The following ITGA3 variants were observed in gnomAD, a reference collection of about 807,000 sequenced individuals.
ITGA3 encodes the protein integrin subunit alpha 3, also known as integrin alpha-3.
In ITGA3, 70 loss-of-function variants were observed where a neutral mutation model predicts 131.1. That is an observed-to-expected ratio of 0.53 (90% CI 0.44 to 0.65). The LOEUF (loss-of-function observed/expected upper bound fraction) is 0.65, where lower values mean the gene tolerates loss of function less well. Ranked by LOEUF, ITGA3 falls within the 30% of genes least tolerant of loss-of-function variation. The probability of loss-of-function intolerance (pLI) is 0.00; values close to 1 mark genes in which losing one functional copy is unlikely to be tolerated. For missense variants in ITGA3, 1,098 were observed against 1,388.6 expected (o/e 0.79, Z 3.33); for synonymous variants, 537 against 571.6 (o/e 0.94, Z 0.86).
chr17:50,077,419 T>G lies in ITGA3; in HGVS notation c.2111T>G (p.Leu704Arg). Residue 704 changes from leucine (L) to arginine (R), a missense_variant, in exon 16 of 26, where the codon CTG (leucine) becomes CGG (arginine). This residue lies in a region of ITGA3 where 699 missense variants were observed against 829.2 expected (regional missense o/e 0.84). Coordinates refer to ENST00000320031, the MANE Select transcript of ITGA3 (RefSeq NM_002204.4). Reference sequence around the variant, plus strand: ...GCTAATGAGACCATCTTTTGCGAGCTGGGGAACCCCTTCAAACGGAACCAG... The same window carrying G: ...GCTAATGAGACCATCTTTTGCGAGCGGGGGAACCCCTTCAAACGGAACCAG... ...CQANETIFCE[L>R]GNPFKRNQRM... 1 of 1,614,058 alleles carries G rather than the reference T, an allele frequency of 6.2e-7. No homozygotes were observed. The highest frequency in any genetic ancestry group is 8.5e-7 in the Non-Finnish European group (1 of 1,179,938).
At chr17:50,060,802 T>G (rs778540144) in intron 1 of ITGA3, among the ~76,000 whole-genome samples, 3 of 152,170 alleles carry the variant, frequency 2.0e-5, no homozygotes, top group Non-Finnish European at 2.9e-5. Flanking sequence ...AGGGGATGGG[T>G]TCAGTACTGC....
chr17:50,064,724 T>C lies in ITGA3; in HGVS notation c.414+117T>C. ...TCCACGGCGCGTGTGTGCTGGGGCC[T>C]GCACACATGTCCCTTCCTGTGGCTG... On this transcript the variant is annotated intron_variant, in intron 3 of 25. Coordinates refer to ENST00000320031, the MANE Select transcript of ITGA3 (RefSeq NM_002204.4). This position sits in a 1 kb window ranked among gnomAD's most constrained non-coding sequence, Gnocchi z 4.4. The C allele has an allele frequency of 1.4e-6, 1 of 731,674 alleles. No individual in the cohort carries two copies. The highest frequency in any genetic ancestry group is 2.3e-6 in the Non-Finnish European group (1 of 441,606). 45.3% of individuals were successfully genotyped at this position (731,674 alleles called of 1,614,324 possible). A position where few individuals can be genotyped will look rare whatever the true frequency, so the allele number is the denominator to read the frequency against.
rs202190240 is a variant in ITGA3, at chr17:50,079,064, T to C, written c.2401-12T>C. On this transcript the variant is annotated splice_polypyrimidine_tract_variant and intron_variant, in intron 19 of 25. Transcript: ENST00000320031. ...CAGGAGATAATGACTATGACACATC[T>C]TGTGCCCACAGGTGGGCCCAATGGG... 107 of 1,612,554 alleles carry C rather than the reference T, an allele frequency of 6.6e-5. 2 individuals carry two copies. The East Asian group carries it at 1.3e-3, about 19-fold the overall frequency.
At chr17:50,083,112 T>A (rs775369432) in intron 23 of ITGA3, among the ~76,000 whole-genome samples, 1 of 152,164 alleles carries the variant, frequency 6.6e-6, no homozygotes, top group Non-Finnish European at 1.5e-5. Flanking sequence ...GAAAGATCAG[T>A]GGAACAAAAT....
Position 50,068,217 on chromosome 17 carries a change from G to A in ITGA3, c.576G>A (p.Leu192=). The A allele has an allele frequency of 6.2e-7, 1 of 1,614,134 alleles. No homozygotes were observed. The change falls in exon 4 of 26, where the codon CTG becomes CTA. Residue 192 remains leucine, a synonymous_variant. Coordinates refer to ENST00000320031, the MANE Select transcript of ITGA3 (RefSeq NM_002204.4). ...TGTGCAATAGCAACACAGACTACCT[G>A]GAGACGGGCATGTGCCAGCTGGGCA... ...NEMCNSNTDY[L]ETGMCQLGTS... is the part of the protein sequence containing the mutation.
rs1355888304 is a variant in ITGA3 at position 50,079,220 on chromosome 17, C to T, written c.2545C>T (p.Pro849Ser). ...CAATGGGTCCTGGCCCTGCCGACCACCTGGAGACCTTATCAACCCTCTCAA... is the reference window on the plus strand; with the variant it reads ...CAATGGGTCCTGGCCCTGCCGACCATCTGGAGACCTTATCAACCCTCTCAA... ...HGNGSWPCRPPGDLINPLNLT... is the reference protein window; with the variant it reads ...HGNGSWPCRPSGDLINPLNLT... The change falls in exon 20 of 26, where the codon CCT becomes TCT. Residue 849 changes from proline to serine, a missense_variant. Transcript: ENST00000320031. The T allele has an allele frequency of 3.7e-6, 6 of 1,613,924 alleles. No homozygotes were observed. Among genetic ancestry groups the T allele is most frequent in the Non-Finnish European group, 8.5e-7 (1 of 1,179,990 alleles).
rs750270451 is a variant in ITGA3, at chr17:50,079,250, A to G, written c.2575A>G (p.Thr859Ala). The G allele has an allele frequency of 1.7e-5, 28 of 1,612,938 alleles. No homozygotes were observed. Among genetic ancestry groups the G allele is most frequent in the Non-Finnish European group, 2.1e-5 (25 of 1,179,586 alleles). Reference protein sequence around the residue: ...PGDLINPLNLTLSDPGDRPSS... With the variant: ...PGDLINPLNLALSDPGDRPSS... ...AGACCTTATCAACCCTCTCAACCTC[A>G]CTCTTTCTGTAAGGACACTATCAGG... is the stretch of plus-strand genomic sequence containing the variant. The change falls in exon 20 of 26, where the codon ACT becomes GCT. Residue 859 changes from threonine (T) to alanine (A), a missense_variant. Around this residue, in one of 3 missense-constraint regions of ITGA3, gnomAD observed 699 missense variants for 829.2 expected, o/e 0.84. Transcript: ENST00000320031.
At chr17:50,062,091 G>T (rs1401667904) in intron 1 of ITGA3, among the ~76,000 whole-genome samples, 3 of 151,864 alleles carry the variant, frequency 2.0e-5, no homozygotes, top group Non-Finnish European at 4.4e-5. Flanking sequence ...TCCCTGGAGG[G>T]AGGGCTGGAG....
chr17:50,073,491 T>G (rs1908721454), intron 7 of ITGA3, among the ~76,000 whole-genome samples: 1 of 152,020 alleles, frequency 6.6e-6, no homozygotes, highest in Non-Finnish European at 1.5e-5. Flanking sequence ...CTTGGGAGGC[T>G]GAGGTGGGAG....
intron 5 of ITGA3, 63 bp from the exon 6 acceptor site, chr17:50,071,248 G>A (rs150491650): frequency 8.4e-6 from 12 of 1,430,946 alleles, no homozygotes; most frequent in Non-Finnish European, 1.2e-5. Flanking sequence ...AGGGAGATGG[G>A]TCCAGAGTAG....
At chr17:50,079,907 A>G (rs1233210256) in intron 21 of ITGA3, among the ~76,000 whole-genome samples, 1 of 152,104 alleles carries the variant, frequency 6.6e-6, no homozygotes, top group Non-Finnish European at 1.5e-5. Context: ...AAAGGAGAGG[A>G]GAGCGGGCCT....
At chr17:50,088,037 G>A (rs1909542289) in intron 24 of ITGA3, among the ~76,000 whole-genome samples, 168 bp downstream of exon 24, 1 of 152,074 alleles carries the variant, frequency 6.6e-6, no homozygotes, top group Non-Finnish European at 1.5e-5. Flanking sequence ...CCCTGGCCTG[G>A]GTTAGTGGGG....
At position 50,077,200 on chromosome 17, in the gene ITGA3, G is replaced by A. The variant is rs1192219432; in HGVS notation, c.2070+79G>A. 3 of 1,438,332 alleles carry A rather than the reference G, an allele frequency of 2.1e-6. No individual in the cohort carries two copies. In the African/African-American group the frequency reaches 4.3e-5, roughly 20 times the overall value. 89.1% of individuals were successfully genotyped at this position (1,438,332 alleles called of 1,614,324 possible). On this transcript the variant is annotated intron_variant, in intron 15 of 25. Transcript: ENST00000320031. ...ATCCCCATATCCATGTCCTGTGCAG[G>A]TGTTGTCGTCTGCCACGTGCCCACC...
rs1349625181 is a variant in ITGA3, at chr17:50,056,536, T to C, written c.97T>C (p.Phe33Leu). 5.1e-6 allele frequency: 8 copies of C among 1,557,354 alleles called. No homozygotes were observed. Among genetic ancestry groups the C allele is most frequent in the Non-Finnish European group, 6.9e-6 (8 of 1,151,410 alleles). Residue 33 changes from phenylalanine to leucine, a missense_variant, in exon 1 of 26, where the codon TTC becomes CTC. Physicochemically the swap from Phe to Leu is conservative, Grantham distance 22. Coordinates refer to ENST00000320031, the MANE Select transcript of ITGA3 (RefSeq NM_002204.4). This position sits in a 1 kb window ranked among gnomAD's most constrained non-coding sequence, Gnocchi z 5.6. Reference sequence around the variant, plus strand: ...GGCCGGCGGCTGCGTCGTCTCCGCCTTCAACCTGGATACCCGATTCCTGGT... The same window carrying C: ...GGCCGGCGGCTGCGTCGTCTCCGCCCTCAACCTGGATACCCGATTCCTGGT... Reference protein sequence around the residue: ...VAAGGCVVSAFNLDTRFLVVK... With the variant: ...VAAGGCVVSALNLDTRFLVVK...
chr17:50,073,826 TG>T, intron 7 of ITGA3, 89 bp from the exon 8 acceptor site: 2 of 904,984 alleles, frequency 2.2e-6, no homozygotes, highest in East Asian at 4.8e-5. Context: ...AGATCAGTTC[TG>T]TGCTGGGCTG....
rs1418601063 is a variant in ITGA3 at position 50,073,967 on chromosome 17, A to C, written c.1208A>C (p.His403Pro). ...FEGLGKVYIY[H>P]SSSKGLLRQP... ...GGCTTGGGCAAAGTGTACATCTATC[A>C]CAGTAGCTCTAAGGGGCTCCTTAGA... Residue 403 changes from histidine to proline, a missense_variant, in exon 8 of 26, where the codon CAC becomes CCC. Physicochemically the swap from His to Pro is moderately conservative, Grantham distance 77 (BLOSUM62 -2). Transcript: ENST00000320031. 3.7e-6 allele frequency: 6 copies of C among 1,614,034 alleles called. No homozygotes were observed. The South Asian group carries it at 6.6e-5, about 18-fold the overall frequency.
chr17:50,081,283 C>T (rs1388477649), intron 22 of ITGA3, 27 bp from the exon 23 acceptor site: 2 of 1,459,000 alleles, frequency 1.4e-6, no homozygotes, highest in East Asian at 4.8e-5. Context: ...CAAGTGTTCC[C>T]CTTGACCCAC....
rs140332297 is a variant in ITGA3 at position 50,089,927 on chromosome 17, G to A, written c.*849G>A. On this transcript the variant is annotated 3_prime_UTR_variant, in exon 26 of 26. Coordinates refer to ENST00000320031, the MANE Select transcript of ITGA3 (RefSeq NM_002204.4). ...CTCTCCTTGGCCACAGACTGAACTC[G>A]CAGGGAATGCAGCAGGAAGGAACAA... The A allele has an allele frequency of 2.5e-5, 5 of 202,308 alleles. No individual in the cohort carries two copies. Among genetic ancestry groups the A allele is most frequent in the East Asian group, 1.3e-4 (1 of 7,554 alleles). 12.5% of individuals were successfully genotyped at this position (202,308 alleles called of 1,614,324 possible). A position where few individuals can be genotyped will look rare whatever the true frequency, so the allele number is the denominator to read the frequency against.
At chr17:50,076,030 G>T (rs957421316) in intron 12 of ITGA3, among the ~76,000 whole-genome samples, 25 of 152,258 alleles carry the variant, frequency 1.6e-4, no homozygotes, top group African/African-American at 5.8e-4. Flanking sequence ...TGAGTAGGGA[G>T]CAAGGTCAGT....
Sources: allele counts gnomAD v4.1 joint callset (sites outside exome capture counted in the v4.1 genomes callset), GRCh38; gene constraint gnomAD v4.1.1; regional missense constraint gnomAD v4.1.1; non-coding constraint Gnocchi (gnomAD v3.1); transcripts MANE v1.5; gene names NCBI Gene and HGNC (gene_info 2026-07-23, HGNC 2026-07-21).